Variants in FBXL7 observed in about 807,000 individuals in gnomAD.
FBXL7 encodes F-box and leucine rich repeat protein 7, also known as F-box/LRR-repeat protein 7.
Under a neutral mutation model 38.3 loss-of-function variants are expected in FBXL7, and 12 were observed. The observed-to-expected ratio is 0.31, with a 90% CI of 0.20 to 0.51. The LOEUF is 0.51. Among genes scored for constraint, FBXL7 ranks in the 20% least tolerant of loss-of-function variants. The pLI, the probability that FBXL7 is intolerant of heterozygous loss-of-function variation, is 0.98. For missense variants in FBXL7, 567 were observed against 676.4 expected (o/e 0.84, Z 1.79); for synonymous variants, 297 against 300.9 (o/e 0.99, Z 0.13).
chr5:15,625,219 C>T (rs1377987994), intron 2 of FBXL7, among the ~76,000 whole-genome samples: 3 of 152,142 alleles, frequency 2.0e-5, no homozygotes, highest in Non-Finnish European at 4.4e-5. Flanking sequence ...ATTTAGTCTG[C>T]AAGTTACCAC....
chr5:15,602,485 A>G (rs542088073), intron 1 of FBXL7: 1 of 152,288 alleles, frequency 6.6e-6, no homozygotes, highest in African/African-American at 2.4e-5. Flanking sequence ...TACCCTGCAC[A>G]GTCCTACTTT....
chr5:15,663,256 G>C (rs978242322), intron 2 of FBXL7, among the ~76,000 whole-genome samples: 4 of 151,998 alleles, frequency 2.6e-5, no homozygotes, highest in South Asian at 2.1e-4. Context: ...TATTCTTTTT[G>C]TGGCAATCAT....
chr5:15,753,873 G>A (rs540284223), intron 2 of FBXL7, among the ~76,000 whole-genome samples: 3 of 152,106 alleles, frequency 2.0e-5, no homozygotes, highest in Non-Finnish European at 4.4e-5. Context: ...ATGCTATTCT[G>A]GAACATGGAA....
At chr5:15,904,932 C>T (rs1741319804) in intron 2 of FBXL7, among the ~76,000 whole-genome samples, 1 of 152,216 alleles carries the variant, frequency 6.6e-6, no homozygotes, top group East Asian at 1.9e-4. Context: ...AACGATGAGC[C>T]AGAATCCACC....
intron 2 of FBXL7, among the ~76,000 whole-genome samples, chr5:15,715,062 A>G (rs1043329306): frequency 3.3e-5 from 5 of 152,202 alleles, no homozygotes; most frequent in African/African-American, 1.2e-4. Flanking sequence ...CCTTGATTTT[A>G]GGATGTCTGA....
rs545899974 is a variant in FBXL7 at position 15,864,404 on chromosome 5, T to C, written c.128-63486T>C. On this transcript the variant is annotated intron_variant, in intron 2 of 3. Transcript: ENST00000504595. ...TGGTCATTAGAATTGTAAATCAAACTTTTTTTTTCCATTCTGAATTACTCA... is the reference window on the plus strand; with the variant it reads ...TGGTCATTAGAATTGTAAATCAAACCTTTTTTTTCCATTCTGAATTACTCA... Among the ~76,000 whole-genome samples the C allele has an allele frequency of 1.1e-4, 16 of 149,804 alleles. 1 individual carries two copies. The highest frequency in any genetic ancestry group is 3.4e-4 in the African/African-American group (14 of 40,692).
intron 2 of FBXL7, among the ~76,000 whole-genome samples, chr5:15,642,721 C>T (rs1475670352): frequency 6.6e-6 from 1 of 152,082 alleles, no homozygotes; most frequent in Non-Finnish European, 1.5e-5. Context: ...CCTAGATAGG[C>T]CAACGGGGAA....
chr5:15,728,183 CT>C (rs1735477768), intron 2 of FBXL7, among the ~76,000 whole-genome samples: 1 of 152,046 alleles, frequency 6.6e-6, no homozygotes, highest in Non-Finnish European at 1.5e-5. Flanking sequence ...GTTTTAAAGT[CT>C]TTGCCTAGTA....
At chr5:15,628,602 C>A (rs976699749) in intron 2 of FBXL7, among the ~76,000 whole-genome samples, 2 of 152,282 alleles carry the variant, frequency 1.3e-5, no homozygotes, top group South Asian at 4.1e-4. Context: ...TCTGAATAAT[C>A]CATCCATTAA....
intron 1 of FBXL7, among the ~76,000 whole-genome samples, chr5:15,547,357 CAGCTGTGGGTGTGAAG>C (rs1737942266): frequency 2.6e-5 from 4 of 152,296 alleles, no homozygotes; most frequent in Admixed American, 2.6e-4. Flanking sequence ...CCACGCTTAG[CAGCTGTGGGTGTGAAG>C]AGCAGGAGTC....
chr5:15,692,571 T>A (rs1169749163), intron 2 of FBXL7, among the ~76,000 whole-genome samples: 1 of 152,142 alleles, frequency 6.6e-6, no homozygotes, highest in African/African-American at 2.4e-5. Flanking sequence ...AACTTTCCTA[T>A]CCCCTTTATT....
At chr5:15,542,840 C>T (rs1302212645) in intron 1 of FBXL7, among the ~76,000 whole-genome samples, 5 of 152,086 alleles carry the variant, frequency 3.3e-5, no homozygotes, top group African/African-American at 1.2e-4. Context: ...ATATTGATGT[C>T]CCTATGATTT....
intron 2 of FBXL7, among the ~76,000 whole-genome samples, chr5:15,814,683 T>C (rs1198991565): frequency 6.6e-6 from 1 of 152,170 alleles, no homozygotes; most frequent in East Asian, 1.9e-4. Context: ...CATGATCAGA[T>C]TGGTTTGAGA....
In FBXL7 at chr5:15,693,754, G is replaced by A. The variant is rs550272190; in HGVS notation, c.127+77682G>A. Reference sequence around the variant, plus strand: ...CCATCAGTGGTGGAACGACGCAGATGCTGAGGGAAATTTGGCAGAGGGTGG... The same window carrying A: ...CCATCAGTGGTGGAACGACGCAGATACTGAGGGAAATTTGGCAGAGGGTGG... On this transcript the variant is annotated intron_variant, in intron 2 of 3. Coordinates refer to ENST00000504595, the MANE Select transcript of FBXL7 (RefSeq NM_012304.5). Among the ~76,000 whole-genome samples, 484 of 152,320 alleles carry A rather than the reference G, an allele frequency of 3.2e-3. 1 individual carries two copies. Among genetic ancestry groups the A allele is most frequent in the African/African-American group, 0.01 (418 of 41,580 alleles).
intron 2 of FBXL7, among the ~76,000 whole-genome samples, chr5:15,729,380 A>G (rs1016890049): frequency 6.6e-6 from 1 of 151,968 alleles, no homozygotes; most frequent in Non-Finnish European, 1.5e-5. Flanking sequence ...TGATATTTCT[A>G]TTTCCCAGAG....
At position 15,858,691 on chromosome 5, in the gene FBXL7, T is replaced by G. The variant is rs117992159; in HGVS notation, c.128-69199T>G. On this transcript the variant is annotated intron_variant, in intron 2 of 3. Coordinates refer to ENST00000504595, the MANE Select transcript of FBXL7 (RefSeq NM_012304.5). Reference sequence around the variant, plus strand: ...AGCTACCTCGGCCAAATGTTAGTTTTTTGTTGATCTTTCTTTGCTTTTTAA... The same window carrying G: ...AGCTACCTCGGCCAAATGTTAGTTTGTTGTTGATCTTTCTTTGCTTTTTAA... 7.4e-4 allele frequency among the ~76,000 whole-genome samples: 112 copies of G among 152,314 alleles called. No individual in the cohort carries two copies. In the East Asian group the frequency reaches 0.021, roughly 29 times the overall value.
chr5:15,620,230 C>CTTTTTTT (rs796293132), intron 2 of FBXL7, among the ~76,000 whole-genome samples: 2 of 134,140 alleles, frequency 1.5e-5, no homozygotes, highest in East Asian at 2.2e-4. Flanking sequence ...TTCTTTTTTT[C>CTTTTTTT]TTTTTTTTTT....
intron 1 of FBXL7, chr5:15,580,948 C>G (rs1391060508): frequency 5.7e-6 from 2 of 348,116 alleles, no homozygotes; most frequent in African/African-American, 4.4e-5. Context: ...AGGCCTCTCT[C>G]TAGATCCAGG....
intron 2 of FBXL7, among the ~76,000 whole-genome samples, chr5:15,787,322 A>G (rs1317874967): frequency 1.3e-5 from 2 of 152,236 alleles, no homozygotes; most frequent in African/African-American, 2.4e-5. Flanking sequence ...TATTAAAAAT[A>G]TAGACGTGAA....
Sources: allele counts gnomAD v4.1 joint callset (sites outside exome capture counted in the v4.1 genomes callset), GRCh38; gene constraint gnomAD v4.1.1; transcripts MANE v1.5; gene names NCBI Gene and HGNC (gene_info 2026-07-23, HGNC 2026-07-21).